The following RAP1GAP2 variants were observed in gnomAD, a reference collection of about 807,000 sequenced individuals.
RAP1GAP2 encodes the protein RAP1 GTPase activating protein 2.
A neutral mutation model predicts 95.0 loss-of-function variants in RAP1GAP2; 27 were observed. The ratio of observed to expected loss-of-function variants is 0.28; its 90% confidence interval spans 0.21 to 0.39. RAP1GAP2 has a LOEUF of 0.39. RAP1GAP2 is among the 10% of genes least tolerant of loss of function. The pLI is 1.00. For missense variants in RAP1GAP2, 771 were observed against 970.0 expected (o/e 0.79, Z 2.72); for synonymous variants, 373 against 380.9 (o/e 0.98, Z 0.24).
chr17:2,796,468 G>A lies in RAP1GAP2; in HGVS notation c.-60G>A, dbSNP rs1280860601. 118 of 1,543,706 alleles carry A rather than the reference G, an allele frequency of 7.6e-5. No individual in the cohort carries two copies. Among genetic ancestry groups the A allele is most frequent in the African/African-American group, 1.4e-5 (1 of 72,898 alleles). ...CCCCGCTGTACCACGGCCCTCTTGC[G>A]GACAGCCCCGGGGACGTCGTTGGGA... On this transcript the variant is annotated 5_prime_UTR_variant, in exon 1 of 25. Coordinates refer to ENST00000254695, the MANE Select transcript of RAP1GAP2 (RefSeq NM_015085.5). The surrounding 1 kb of genome is among the most constrained non-coding windows in gnomAD (Gnocchi z 4.7).
intron 2 of RAP1GAP2, among the ~76,000 whole-genome samples, chr17:2,802,385 C>T (rs1349447525): frequency 6.6e-6 from 1 of 152,202 alleles, no homozygotes; most frequent in East Asian, 1.9e-4. Context: ...ACTTTTCCTG[C>T]CCTTCAAGAG....
At chr17:3,022,149 C>A (rs1357792207) in intron 19 of RAP1GAP2, among the ~76,000 whole-genome samples, 1 of 152,250 alleles carries the variant, frequency 6.6e-6, no homozygotes, top group East Asian at 1.9e-4. Context: ...CACCAGCATT[C>A]TCAATTGCCT....
chr17:2,808,413 A>T (rs1368136971), intron 2 of RAP1GAP2, among the ~76,000 whole-genome samples: 1 of 151,990 alleles, frequency 6.6e-6, no homozygotes, highest in African/African-American at 2.4e-5. Flanking sequence ...TAAGACTCTG[A>T]ATGTAAAATC....
Position 3,005,059 on chromosome 17 carries a change from A to G in RAP1GAP2, c.1201-310A>G, listed in dbSNP as rs963544102. On this transcript the variant is annotated intron_variant, in intron 14 of 24. Transcript: ENST00000254695. This position sits in a 1 kb window ranked among gnomAD's most constrained non-coding sequence, Gnocchi z 5.2. ...ATTAGCGTCACGGTCGAATGAGGTC[A>G]CGAGATGCCATCTCCCGGGCACTTG... 2.6e-5 allele frequency among the ~76,000 whole-genome samples: 4 copies of G among 152,090 alleles called. No homozygotes were observed. The highest frequency in any genetic ancestry group is 7.2e-5 in the African/African-American group (3 of 41,384).
chr17:2,756,137 C>G (rs538494925), intron 1 of RAP1GAP2, among the ~76,000 whole-genome samples: 143 of 152,388 alleles, frequency 9.4e-4, no homozygotes, highest in African/African-American at 3.3e-3. Context: ...TTTGTGCCTC[C>G]CTCCGTTCCT....
intron 2 of RAP1GAP2, among the ~76,000 whole-genome samples, chr17:2,850,994 A>T (rs2071823629): frequency 2.0e-5 from 3 of 151,034 alleles, no homozygotes; most frequent in Non-Finnish European, 4.4e-5. Context: ...CAGGAGGTGG[A>T]GGTTGCAGTG....
intron 3 of RAP1GAP2, among the ~76,000 whole-genome samples, chr17:2,951,043 CTG>C (rs2043905856): frequency 6.6e-6 from 1 of 152,238 alleles, no homozygotes; most frequent in Non-Finnish European, 1.5e-5. Flanking sequence ...CTGCTGCCTC[CTG>C]TGTGTTTCTG....
intron 3 of RAP1GAP2, among the ~76,000 whole-genome samples, chr17:2,941,403 A>G (rs1317488482): frequency 6.6e-6 from 1 of 152,098 alleles, no homozygotes; most frequent in Non-Finnish European, 1.5e-5. Context: ...GCAAGACTCC[A>G]TCTAAAACAT....
intron 2 of RAP1GAP2, among the ~76,000 whole-genome samples, chr17:2,811,610 C>T (rs1040571388): frequency 3.3e-5 from 5 of 152,196 alleles, no homozygotes; most frequent in African/African-American, 1.2e-4. Context: ...CGGAGTCTCG[C>T]TCTGTCACCC....
Position 2,871,548 on chromosome 17 carries a change from C to T in RAP1GAP2, c.81-33736C>T, listed in dbSNP as rs528963806. 3.4e-4 allele frequency among the ~76,000 whole-genome samples: 51 copies of T among 152,162 alleles called. No individual in the cohort carries two copies. Among genetic ancestry groups the T allele is most frequent in the African/African-American group, 1.2e-3 (48 of 41,422 alleles). Reference sequence around the variant, plus strand: ...ATTACAGAGGAGGGAGAGGCAACAGCGGTAGGGCCAGCAAACACCATAGAC... The same window carrying T: ...ATTACAGAGGAGGGAGAGGCAACAGTGGTAGGGCCAGCAAACACCATAGAC... On this transcript the variant is annotated intron_variant, in intron 2 of 24. Coordinates refer to ENST00000254695, the MANE Select transcript of RAP1GAP2 (RefSeq NM_015085.5). This position sits in a 1 kb window ranked among gnomAD's most constrained non-coding sequence, Gnocchi z 5.0.
At chr17:2,860,092 A>G (rs1053075823) in intron 2 of RAP1GAP2, among the ~76,000 whole-genome samples, 2 of 152,188 alleles carry the variant, frequency 1.3e-5, no homozygotes, top group Non-Finnish European at 2.9e-5. Flanking sequence ...CTGGCTGGAC[A>G]TGAGGACTGT....
intron 2 of RAP1GAP2, among the ~76,000 whole-genome samples, chr17:2,890,868 T>TA (rs1187418283): frequency 6.6e-6 from 1 of 151,760 alleles, no homozygotes; most frequent in Non-Finnish European, 1.5e-5. Context: ...GTGTTTTTAG[T>TA]AGAGACGGGG....
chr17:2,777,207 T>C (rs1048877257), exon 1 of RAP1GAP2: 4 of 152,040 alleles, frequency 2.6e-5, no homozygotes, highest in African/African-American at 7.3e-5. Context: ...CTATAGGGTG[T>C]GTGTGCGTGC....
chr17:2,848,664 C>T (rs1430125478), intron 2 of RAP1GAP2, among the ~76,000 whole-genome samples: 1 of 152,084 alleles, frequency 6.6e-6, no homozygotes, highest in Non-Finnish European at 1.5e-5. Context: ...CAAGCGCCCG[C>T]CACCACGCCT....
intron 19 of RAP1GAP2, among the ~76,000 whole-genome samples, chr17:3,025,801 C>T: frequency 6.6e-6 from 1 of 152,134 alleles, no homozygotes; most frequent in East Asian, 1.9e-4. Flanking sequence ...TAGAATAGTC[C>T]CTGTTGTAGG....
At chr17:2,777,723 G>A (rs1192306894) in intron 1 of RAP1GAP2, among the ~76,000 whole-genome samples, 1 of 152,190 alleles carries the variant, frequency 6.6e-6, no homozygotes, top group African/African-American at 2.4e-5. Flanking sequence ...ATGCCAGTGG[G>A]GTTTGCTGGG....
In RAP1GAP2 at chr17:3,018,144, C is replaced by T; in HGVS notation, c.1578C>T (p.Ser526=). The change falls in exon 18 of 25, where the codon AGC becomes AGT. Residue 526 remains serine, a synonymous_variant. Coordinates refer to ENST00000254695, the MANE Select transcript of RAP1GAP2 (RefSeq NM_015085.5). ...KKSHSGGIPG[S]LSGGISHNSM... is the part of the protein sequence containing the mutation. ...CGCACAGTGGGGGCATCCCTGGCAGCCTCAGCGGGGGCATCTCCCACAACA... is the reference window on the plus strand; with the variant it reads ...CGCACAGTGGGGGCATCCCTGGCAGTCTCAGCGGGGGCATCTCCCACAACA... 6.3e-7 allele frequency: 1 copy of T among 1,582,146 alleles called. No individual in the cohort carries two copies. Among genetic ancestry groups the T allele is most frequent in the Non-Finnish European group, 8.6e-7 (1 of 1,164,764 alleles).
rs779624863 is a variant in RAP1GAP2 at position 3,008,112 on chromosome 17, T to A, written c.1461T>A (p.Asn487Lys). Residue 487 changes from asparagine to lysine, a missense_variant, in exon 17 of 25, where the codon AAT becomes AAA. Coordinates refer to ENST00000254695, the MANE Select transcript of RAP1GAP2 (RefSeq NM_015085.5). This position sits in a 1 kb window ranked among gnomAD's most constrained non-coding sequence, Gnocchi z 4.2. ...GLGPEEDKFE[N>K]GGHGGFLESF... Reference sequence around the variant, plus strand: ...GCCCAGAGGAGGACAAGTTTGAGAATGGAGGCCACGGGGGGTTCCTGGAGT... The same window carrying A: ...GCCCAGAGGAGGACAAGTTTGAGAAAGGAGGCCACGGGGGGTTCCTGGAGT... 2 of 1,613,814 alleles carry A rather than the reference T, an allele frequency of 1.2e-6. No homozygotes were observed.
At chr17:2,760,292 C>CAAAAAAAAAAAA (rs374784170) in intron 1 of RAP1GAP2, among the ~76,000 whole-genome samples, 29 of 58,996 alleles carry the variant, frequency 4.9e-4, no homozygotes, top group East Asian at 2.0e-3. Flanking sequence ...GACTCTGTCT[C>CAAAAAAAAAAAA]AAAAAAAAAA....
Sources: gnomAD v4.1 joint callset for allele counts (sites outside exome capture counted in the v4.1 genomes callset) on GRCh38, gnomAD v4.1.1 for gene constraint, Gnocchi (gnomAD v3.1) non-coding constraint, MANE v1.5 for transcripts, NCBI Gene and HGNC (gene_info 2026-07-23, HGNC 2026-07-21) for gene names.